The following MSRA variants were observed in gnomAD, a reference collection of about 807,000 sequenced individuals.
The protein encoded by MSRA is mitochondrial peptide methionine sulfoxide reductase.
A neutral mutation model predicts 31.3 loss-of-function variants in MSRA; 54 were observed. That is an observed-to-expected ratio of 1.73 (90% CI 1.39 to 2.17). The LOEUF (loss-of-function observed/expected upper bound fraction) is 2.17, where lower values mean the gene tolerates loss of function less well. Among genes scored for constraint, MSRA ranks in the 30% most tolerant of loss-of-function variants. MSRA has a pLI of 0.00. For missense variants in MSRA, 507 were observed against 300.9 expected, an observed-to-expected ratio of 1.69 and a Z score of -5.07; for synonymous variants, 169 against 116.5, an observed-to-expected ratio of 1.45 and a Z score of -2.90.
At chr8:10,390,650 A>G (rs1459220678) in intron 5 of MSRA, among the ~76,000 whole-genome samples, 1 of 152,080 alleles carries the variant, frequency 6.6e-6, no homozygotes, top group African/African-American at 2.4e-5. Context: ...GTAAAAAGAG[A>G]CTTTGCACTG....
chr8:10,128,174 TCGAGAC>T (rs751116168), intron 1 of MSRA, among the ~76,000 whole-genome samples: 1 of 152,120 alleles, frequency 6.6e-6, no homozygotes, highest in Admixed American at 6.5e-5. Context: ...GATCAGGAGT[TCGAGAC>T]CAGCCTGGCC....
At chr8:10,216,995 C>T (rs28460000) in intron 2 of MSRA, among the ~76,000 whole-genome samples, 1,994 of 152,320 alleles carry the variant, frequency 0.013, 47 homozygotes, top group African/African-American at 0.044. Context: ...TTTTCCAAAA[C>T]GGCTATACTT....
chr8:10,243,976 A>G (rs2129081622), intron 2 of MSRA, among the ~76,000 whole-genome samples: 1 of 152,324 alleles, frequency 6.6e-6, no homozygotes, highest in South Asian at 2.1e-4. Context: ...ATATAACTTT[A>G]TTCAAATTAC....
At chr8:10,314,153 A>T (rs759616948) in intron 4 of MSRA, among the ~76,000 whole-genome samples, 15 of 152,232 alleles carry the variant, frequency 9.9e-5, no homozygotes, top group Admixed American at 2.0e-4. Context: ...AAATTTAACT[A>T]TATCAAAATC....
At chr8:10,219,880 GTTTGTTT>G (rs1810339898) in intron 2 of MSRA, among the ~76,000 whole-genome samples, 2 of 110,966 alleles carry the variant, frequency 1.8e-5, no homozygotes, top group African/African-American at 3.5e-5. Flanking sequence ...TTTTTTGTTT[GTTTGTTT>G]TTTGTTTTCC....
intron 5 of MSRA, among the ~76,000 whole-genome samples, chr8:10,364,016 C>T (rs1030827354): frequency 1.3e-4 from 20 of 152,128 alleles, no homozygotes; most frequent in Admixed American, 6.6e-5. Context: ...AGAACTGTTT[C>T]CTTTCTCTAG....
At chr8:10,147,253 T>C (rs969916558) in intron 1 of MSRA, among the ~76,000 whole-genome samples, 1 of 151,964 alleles carries the variant, frequency 6.6e-6, no homozygotes. Flanking sequence ...ATGTGTTGGA[T>C]TCAAGGAACC....
chr8:10,291,074 A>G (rs1800207688), intron 3 of MSRA, among the ~76,000 whole-genome samples: 1 of 152,186 alleles, frequency 6.6e-6, no homozygotes, highest in South Asian at 2.1e-4. Context: ...CTGCTATCCT[A>G]GTTACCTACT....
intron 1 of MSRA, among the ~76,000 whole-genome samples, chr8:10,108,688 C>T (rs1295469675): frequency 1.3e-5 from 2 of 152,190 alleles, no homozygotes; most frequent in Non-Finnish European, 2.9e-5. Context: ...AGATTCTGTG[C>T]AGTCCTCACG....
At chr8:10,259,649 A>T (rs1798365901) in intron 3 of MSRA, among the ~76,000 whole-genome samples, 1 of 152,150 alleles carries the variant, frequency 6.6e-6, no homozygotes, top group South Asian at 2.1e-4. Context: ...TAATATGTTG[A>T]TATTCCCCTC....
intron 3 of MSRA, among the ~76,000 whole-genome samples, chr8:10,287,429 G>T (rs529344219): frequency 7.9e-5 from 12 of 152,276 alleles, no homozygotes; most frequent in African/African-American, 2.6e-4. Context: ...CTACAAAAGT[G>T]TTACACCAAT....
intron 5 of MSRA, among the ~76,000 whole-genome samples, chr8:10,407,031 C>G (rs1416761370): frequency 6.6e-6 from 1 of 152,160 alleles, no homozygotes; most frequent in Non-Finnish European, 1.5e-5. Context: ...GTGTGTGTCA[C>G]CACACTTGGC....
intron 1 of MSRA, among the ~76,000 whole-genome samples, chr8:10,089,541 A>G (rs549684599): frequency 6.6e-6 from 1 of 152,322 alleles, no homozygotes; most frequent in South Asian, 2.1e-4. Context: ...CTAGGAGGGG[A>G]AACCACAGCG....
chr8:10,428,201 G>A lies in MSRA; in HGVS notation c.597G>A (p.Gln199=), dbSNP rs1158913455. The change falls in exon 6 of 6, where the codon CAG becomes CAA. Residue 199 remains glutamine (Q), a synonymous_variant. Coordinates refer to ENST00000317173, the MANE Select transcript of MSRA (RefSeq NM_012331.5). ...TCACTACCGACATCCGGGAGGGACA[G>A]ACTTTCTACTATGCGGAAGACTACC... ...GPITTDIREG[Q]TFYYAEDYHQ... The A allele has an allele frequency of 6.2e-7, 1 of 1,614,204 alleles. No individual in the cohort carries two copies. Among genetic ancestry groups the A allele is most frequent in the East Asian group, 2.2e-5 (1 of 44,884 alleles).
intron 5 of MSRA, among the ~76,000 whole-genome samples, chr8:10,386,138 C>G (rs541360611): frequency 6.6e-6 from 1 of 152,248 alleles, no homozygotes; most frequent in African/African-American, 2.4e-5. Flanking sequence ...GAATTATGAA[C>G]AAATATATTT....
chr8:10,270,440 G>A (rs563815911), intron 3 of MSRA, among the ~76,000 whole-genome samples: 3 of 151,598 alleles, frequency 2.0e-5, no homozygotes, highest in Non-Finnish European at 4.4e-5. Context: ...TCTACTAGGT[G>A]CCTTATTTGT....
At chr8:10,224,700 A>G (rs775854655) in intron 2 of MSRA, among the ~76,000 whole-genome samples, 1 of 152,162 alleles carries the variant, frequency 6.6e-6, no homozygotes, top group South Asian at 2.1e-4. Flanking sequence ...TTACCTCCCC[A>G]TCAGAGAGAG....
At chr8:10,297,251 A>G (rs995754541) in intron 3 of MSRA, among the ~76,000 whole-genome samples, 2 of 151,942 alleles carry the variant, frequency 1.3e-5, no homozygotes, top group South Asian at 2.1e-4. Context: ...ACCCCTCTCC[A>G]TTTGTTCATC....
At chr8:10,106,466 A>T (rs1353660504) in intron 1 of MSRA, among the ~76,000 whole-genome samples, 2 of 152,236 alleles carry the variant, frequency 1.3e-5, no homozygotes, top group Non-Finnish European at 2.9e-5. Context: ...GAAAACTTCA[A>T]TAAAGAGTAT....
Sources: allele counts gnomAD v4.1 joint callset (sites outside exome capture counted in the v4.1 genomes callset), GRCh38; gene constraint gnomAD v4.1.1; transcripts MANE v1.5; gene names NCBI Gene and HGNC (gene_info 2026-07-23, HGNC 2026-07-21).